PTCD3: variants seen among roughly 807,000 people sequenced by gnomAD.
PTCD3 encodes pentatricopeptide repeat domain 3, also known as small ribosomal subunit protein mS39.
A neutral mutation model predicts 101.9 loss-of-function variants in PTCD3; 89 were observed. That is an observed-to-expected ratio of 0.87 (90% CI 0.74 to 1.04). The LOEUF (loss-of-function observed/expected upper bound fraction) is 1.04. Among genes scored for constraint, PTCD3 ranks in the 50% least tolerant of loss-of-function variants. The probability of loss-of-function intolerance (pLI) is 0.00; values close to 1 mark genes in which losing one functional copy is unlikely to be tolerated. For missense variants in PTCD3, 870 were observed against 828.2 expected (o/e 1.05, Z -0.62); for synonymous variants, 296 against 278.5 (o/e 1.06, Z -0.63).
chr2:86,137,292 G>C, intron 23 of PTCD3, 152 bp downstream of exon 23: 1 of 1,305,912 alleles, frequency 7.7e-7, no homozygotes, highest in South Asian at 1.6e-5. Flanking sequence ...ATGCAAGTCA[G>C]GAAAGCCTAT....
chr2:86,135,152 C>A, intron 21 of PTCD3, 165 bp downstream of exon 21: 1 of 657,790 alleles, frequency 1.5e-6, no homozygotes, highest in Non-Finnish European at 2.5e-6. Flanking sequence ...AGACAGTATG[C>A]ATGATGTAGT....
chr2:86,125,666 A>G (rs1050698768), intron 11 of PTCD3, 129 bp from the exon 12 acceptor site: 4 of 1,045,480 alleles, frequency 3.8e-6, no homozygotes, highest in Non-Finnish European at 5.7e-6. Context: ...TCCAGAGAGG[A>G]GAGTAGTTTT....
At chr2:86,127,878 ATGTT>A in intron 13 of PTCD3, 59 bp from the exon 14 acceptor site, 1 of 1,264,504 alleles carries the variant, frequency 7.9e-7, no homozygotes, top group Non-Finnish European at 1.2e-6. Flanking sequence ...TCAGTAAACT[ATGTT>A]TTGGATTGCT....
At position 86,121,599 on chromosome 2, in the gene PTCD3, TAAC is replaced by T. The variant is rs1674283425; in HGVS notation, c.654+6_654+8del. 6.4e-7 allele frequency: 1 copy of T among 1,562,194 alleles called. No individual in the cohort carries two copies. Among genetic ancestry groups the T allele is most frequent in the Non-Finnish European group, 8.7e-7 (1 of 1,151,986 alleles). On this transcript the variant is annotated splice_donor_region_variant and intron_variant, in intron 8 of 23. Transcript: ENST00000254630. ...ACTGGACAGTCAGAAGCATTGGTAA[TAAC>T]TGTTGGCCTTGATTTTTTTTTTTCC...
At chr2:86,109,513 T>C (rs1158774586) in intron 3 of PTCD3, among the ~76,000 whole-genome samples, 1 of 152,152 alleles carries the variant, frequency 6.6e-6, no homozygotes, top group Non-Finnish European at 1.5e-5. Context: ...GTGATGTCAA[T>C]GCATAGGTAA....
chr2:86,121,368 G>A (rs1050896895), intron 7 of PTCD3, 111 bp from the exon 8 acceptor site: 31 of 628,100 alleles, frequency 4.9e-5, no homozygotes, highest in Non-Finnish European at 8.0e-5. Flanking sequence ...AACATTAAGT[G>A]TGTAGCCCTG....
intron 3 of PTCD3, among the ~76,000 whole-genome samples, chr2:86,110,350 T>C (rs1052789348): frequency 6.6e-6 from 1 of 152,254 alleles, no homozygotes; most frequent in East Asian, 1.9e-4. Context: ...CCTGTACTTT[T>C]GTTTTTCTCA....
chr2:86,136,777 A>G (rs903725001), intron 22 of PTCD3: 3 of 800,976 alleles, frequency 3.7e-6, no homozygotes, highest in Non-Finnish European at 6.2e-6. Context: ...ATCATCATGA[A>G]GTCATACTGA....
At chr2:86,126,718 T>C (rs1330734279) in intron 12 of PTCD3, among the ~76,000 whole-genome samples, 1 of 151,762 alleles carries the variant, frequency 6.6e-6, no homozygotes, top group Non-Finnish European at 1.5e-5. Flanking sequence ...TCGCCTGTAG[T>C]CGCAGCTACT....
chr2:86,116,237 AGCTAGAAAGACTTGTGG>A (rs1674175022), intron 4 of PTCD3, among the ~76,000 whole-genome samples: 2 of 152,258 alleles, frequency 1.3e-5, no homozygotes, highest in Admixed American at 1.3e-4. Flanking sequence ...TTAAAAATTT[AGCTAGAAAGACTTGTGG>A]GCTGGATACA....
At chr2:86,110,989 C>T in intron 3 of PTCD3, 124 bp from the exon 4 acceptor site, 3 of 895,238 alleles carry the variant, frequency 3.4e-6, no homozygotes, top group Non-Finnish European at 5.7e-6. Context: ...GACCTTGTGA[C>T]ATAACCAGCT....
rs779541176 is a variant in PTCD3 at position 86,132,411 on chromosome 2, C to A, written c.1360C>A (p.Arg454Ser). Residue 454 changes from arginine (R) to serine (S), a missense_variant, in exon 17 of 24, where the codon CGT (arginine) becomes AGT (serine). Transcript: ENST00000254630. ...NWKFIGPDQH[R>S]NFYYSKFFDL... ...GAAATTCATTGGACCTGATCAACAT[C>A]GTAATTTCTATTAGTAAGTGTGTTG... The A allele has an allele frequency of 2.3e-5, 36 of 1,588,828 alleles. No individual in the cohort carries two copies. The highest frequency in any genetic ancestry group is 3.4e-5 in the Admixed American group (2 of 59,526).
chr2:86,108,584 A>G (rs1450706649), intron 3 of PTCD3, 48 bp downstream of exon 3: 5 of 1,529,836 alleles, frequency 3.3e-6, no homozygotes, highest in Admixed American at 2.0e-5. Flanking sequence ...AGTGCTTACT[A>G]TGAGAGAAGT....
At chr2:86,136,455 C>G in intron 21 of PTCD3, 66 bp from the exon 22 acceptor site, 1 of 1,446,432 alleles carries the variant, frequency 6.9e-7, no homozygotes, top group Non-Finnish European at 9.7e-7. Context: ...AGAGAGAAGA[C>G]AGCTATAGTG....
intron 23 of PTCD3, 57 bp downstream of exon 23, chr2:86,137,197 C>A: frequency 2.0e-6 from 3 of 1,492,734 alleles, no homozygotes; most frequent in Non-Finnish European, 2.7e-6. Flanking sequence ...TCCATCTGCC[C>A]ATTCAAAATG....
At chr2:86,119,385 C>G (rs1300556376) in intron 7 of PTCD3, among the ~76,000 whole-genome samples, 1 of 145,752 alleles carries the variant, frequency 6.9e-6, no homozygotes, top group Non-Finnish European at 1.5e-5. Flanking sequence ...GAGATGGAGT[C>G]TTGCTCTGTC....
chr2:86,107,508 A>T (rs183563286), intron 1 of PTCD3, among the ~76,000 whole-genome samples: 55 of 152,334 alleles, frequency 3.6e-4, no homozygotes, highest in Non-Finnish European at 1.0e-4. Context: ...GGGGAAACAC[A>T]AGATAATACT....
Position 86,141,698 on chromosome 2 carries a change from T to G in PTCD3, c.*4139T>G, listed in dbSNP as rs555172824. 1.3e-5 allele frequency: 2 copies of G among 152,128 alleles called. No individual in the cohort carries two copies. The allele number at this position is 152,128 out of a possible 1,614,324, so 9.4% of individuals were successfully genotyped here. ...TGAGGAGGGAGGCAATAAAGTAATT[T>G]CAGAGTAAAACAGATTGAGGATGAA... On this transcript the variant is annotated 3_prime_UTR_variant, in exon 24 of 24. Transcript: ENST00000254630.
rs1216572896 is a variant in PTCD3 at position 86,130,734 on chromosome 2, G to T, written c.1234G>T (p.Asp412Tyr). 6.2e-7 allele frequency: 1 copy of T among 1,613,264 alleles called. No individual in the cohort carries two copies. The highest frequency in any genetic ancestry group is 1.3e-5 in the African/African-American group (1 of 74,902). ...GAGATTTTCTCCAAAGGACCCGGAT[G>T]ATGGCATGTATAGAAATCACTTGTG... Reference protein sequence around the residue: ...GKRFSPKDPDDDKFFQSAMSI... With the variant: ...GKRFSPKDPDYDKFFQSAMSI... The change falls in exon 15 of 24, where the codon GAT becomes TAT. Residue 412 changes from aspartate (D) to tyrosine (Y), a missense_variant. Asp to Tyr is a radical substitution (Grantham distance 160). Coordinates refer to ENST00000254630, the MANE Select transcript of PTCD3 (RefSeq NM_017952.6).
Sources: gnomAD v4.1 joint callset for allele counts (sites outside exome capture counted in the v4.1 genomes callset) on GRCh38, gnomAD v4.1.1 for gene constraint, MANE v1.5 for transcripts, NCBI Gene and HGNC (gene_info 2026-07-23, HGNC 2026-07-21) for gene names.